DOP1B: variants seen among roughly 807,000 people sequenced by gnomAD.
DOP1B encodes protein DOP1B.
A neutral mutation model predicts 233.5 loss-of-function variants in DOP1B; 174 were observed. The observed-to-expected ratio is 0.75, with a 90% CI of 0.66 to 0.85. The LOEUF is 0.85. Ranked by LOEUF, DOP1B falls within the 40% of genes least tolerant of loss-of-function variation. The probability of loss-of-function intolerance (pLI) is 0.00; values close to 1 mark genes in which losing one functional copy is unlikely to be tolerated. For synonymous variants in DOP1B, 1,190 were observed against 1,185.6 expected, an observed-to-expected ratio of 1.00 and a Z score of -0.08; for missense variants, 2,652 against 2,846.6, an observed-to-expected ratio of 0.93 and a Z score of 1.56.
intron 2 of DOP1B, among the ~76,000 whole-genome samples, chr21:36,177,689 A>C (rs1354684546): frequency 6.6e-6 from 1 of 152,148 alleles, no homozygotes; most frequent in Non-Finnish European, 1.5e-5. Flanking sequence ...AAATAAGAAG[A>C]GGAAGAGAGG....
intron 10 of DOP1B, 110 bp downstream of exon 10, chr21:36,219,602 TG>T: frequency 6.9e-7 from 1 of 1,449,266 alleles, no homozygotes. Flanking sequence ...AAAGCAGAGA[TG>T]CAGCAGGTGA....
At chr21:36,205,163 G>A (rs2066413466) in intron 4 of DOP1B, among the ~76,000 whole-genome samples, 1 of 152,176 alleles carries the variant, frequency 6.6e-6, no homozygotes, top group South Asian at 2.1e-4. Context: ...TGTCCTTTTG[G>A]CAAGCAGCTG....
chr21:36,163,778 C>T (rs964954819), intron 1 of DOP1B, among the ~76,000 whole-genome samples: 1 of 152,196 alleles, frequency 6.6e-6, no homozygotes, highest in Non-Finnish European at 1.5e-5. Flanking sequence ...CCAGACATTA[C>T]AGCATCCGGG....
At chr21:36,195,484 C>G (rs1382391569) in intron 2 of DOP1B, among the ~76,000 whole-genome samples, 1 of 151,872 alleles carries the variant, frequency 6.6e-6, no homozygotes, top group Non-Finnish European at 1.5e-5. Context: ...CAGTGAGTTG[C>G]AATCACACCA....
At chr21:36,209,511 G>T (rs1346011788) in intron 5 of DOP1B, among the ~76,000 whole-genome samples, 1 of 152,198 alleles carries the variant, frequency 6.6e-6, no homozygotes, top group Non-Finnish European at 1.5e-5. Context: ...GCACGCAGAG[G>T]GTCTGCTGCA....
In DOP1B at chr21:36,246,604, G is replaced by T. The variant is rs1440264144; in HGVS notation, c.4624G>T (p.Val1542Phe). The change falls in exon 19 of 37, where the codon GTT becomes TTT. Residue 1542 changes from valine to phenylalanine, a missense_variant. This residue lies in a region of DOP1B where 2,617 missense variants were observed against 2,794.3 expected (regional missense o/e 0.94). Coordinates refer to ENST00000691173, the MANE Select transcript of DOP1B (RefSeq NM_001320714.2). This position sits in a 1 kb window ranked among gnomAD's most constrained non-coding sequence, Gnocchi z 5.1. ...CCTGGGCTGGACGGTGACACCCTTT[G>T]TTGTCCAGATTTGCAAAAACTTGGA... ...KSLGWTVTPF[V>F]VQICKNLDDL... The T allele has an allele frequency of 6.2e-7, 1 of 1,614,130 alleles. No homozygotes were observed. Among genetic ancestry groups the T allele is most frequent in the Admixed American group, 1.7e-5 (1 of 60,026 alleles).
chr21:36,217,670 G>A (rs2066576172), intron 9 of DOP1B, among the ~76,000 whole-genome samples: 1 of 152,180 alleles, frequency 6.6e-6, no homozygotes. Flanking sequence ...ATGATGTGCT[G>A]CCTCAGGGTG....
In DOP1B at chr21:36,232,965, T is replaced by C; in HGVS notation, c.2512T>C (p.Tyr838His). 2.5e-6 allele frequency: 4 copies of C among 1,614,140 alleles called. No homozygotes were observed. Among genetic ancestry groups the C allele is most frequent in the Non-Finnish European group, 3.4e-6 (4 of 1,180,032 alleles). ...ALVIEDKMKR[Y>H]KSSGHNPFFG... is the part of the protein sequence containing the mutation. The stretch of plus-strand genomic sequence containing the variant: ...TGTCATTGAAGACAAGATGAAACGC[T>C]ATAAGAGCTCTGGACACAACCCTTT... Residue 838 changes from tyrosine (Y) to histidine (H), a missense_variant, in exon 15 of 37, where the codon TAT (tyrosine) becomes CAT (histidine). Coordinates refer to ENST00000691173, the MANE Select transcript of DOP1B (RefSeq NM_001320714.2).
intron 11 of DOP1B, among the ~76,000 whole-genome samples, chr21:36,223,655 C>T (rs971447846): frequency 2.2e-4 from 33 of 152,170 alleles, no homozygotes; most frequent in Non-Finnish European, 8.8e-5. Context: ...CTTTCCTCTC[C>T]TGGCTGCCCG....
chr21:36,167,588 G>A (rs910945154), intron 2 of DOP1B, among the ~76,000 whole-genome samples: 3 of 152,130 alleles, frequency 2.0e-5, no homozygotes, highest in Non-Finnish European at 4.4e-5. Context: ...CCATTTTAAA[G>A]TGCACAGTTA....
chr21:36,173,867 T>TG (rs1306870325), intron 2 of DOP1B, among the ~76,000 whole-genome samples: 3 of 147,518 alleles, frequency 2.0e-5, no homozygotes, highest in African/African-American at 7.5e-5. Flanking sequence ...TAAAGCTCTT[T>TG]AAAAAAAAAA....
intron 15 of DOP1B, 95 bp from the exon 16 acceptor site, chr21:36,237,167 C>T: frequency 6.6e-7 from 1 of 1,509,052 alleles, no homozygotes; most frequent in East Asian, 2.3e-5. Context: ...AGGTGAGATC[C>T]AGTATGTCGG....
At chr21:36,236,196 T>C (rs558794072) in intron 15 of DOP1B, among the ~76,000 whole-genome samples, 1 of 152,300 alleles carries the variant, frequency 6.6e-6, no homozygotes, top group Non-Finnish European at 1.5e-5. Flanking sequence ...GGTCTCACCC[T>C]TGTTGGGGCA....
chr21:36,158,989 A>G lies in DOP1B; in HGVS notation c.-27+2046A>G, dbSNP rs566148107. On this transcript the variant is annotated intron_variant, in intron 1 of 36. Transcript: ENST00000691173. ...CCAAAAATATTTTAAAAAATTAGCCAGGCATTGTGGCGGGCACCTGTAATC... is the reference window on the plus strand; with the variant it reads ...CCAAAAATATTTTAAAAAATTAGCCGGGCATTGTGGCGGGCACCTGTAATC... 2.8e-5 allele frequency among the ~76,000 whole-genome samples: 4 copies of G among 144,320 alleles called. No homozygotes were observed. The South Asian group carries it at 8.9e-4, about 32-fold the overall frequency. The allele number at this position is 144,320 out of a possible 152,430, so 94.7% of individuals were successfully genotyped here.
At chr21:36,214,584 T>C in intron 9 of DOP1B, 28 bp downstream of exon 9, 1 of 1,575,686 alleles carries the variant, frequency 6.3e-7, no homozygotes, top group East Asian at 2.2e-5. Context: ...GCTTCTATCC[T>C]ATGCTGAATA....
Position 36,278,261 on chromosome 21 carries a change from AG to A in DOP1B, c.5876del (p.Ser1959MetfsTer41), listed in dbSNP as rs759640013. ...RAGAQLLSSLSGYAYTKRAWR... is the reference protein window; with the variant it reads ...RAGAQLLSSLXGYAYTKRAWR... The stretch of plus-strand genomic sequence containing the variant: ...TGGCGCTCAGCTGCTGAGCTCCCTG[AG>A]TGGCTATGCCTACACAAAGCGAGCC... On this transcript the variant is annotated frameshift_variant, in exon 30 of 37. Transcript: ENST00000691173. LOFTEE classifies it high-confidence loss of function. 1 of 1,613,970 alleles carries A rather than the reference AG, an allele frequency of 6.2e-7. No homozygotes were observed. Among genetic ancestry groups the A allele is most frequent in the African/African-American group, 1.3e-5 (1 of 74,912 alleles).
In DOP1B at chr21:36,239,972, G is replaced by A; in HGVS notation, c.3067+17G>A. On this transcript the variant is annotated intron_variant, in intron 18 of 36. Transcript: ENST00000691173. ...ACTCGGCCGGTGAGCAGCCTGCACA[G>A]GACCCGAGGGTGAGGGAGGAATGGG... 6.3e-7 allele frequency: 1 copy of A among 1,596,760 alleles called. No individual in the cohort carries two copies. The highest frequency in any genetic ancestry group is 8.5e-7 in the Non-Finnish European group (1 of 1,171,838).
rs1469029359 is a variant in DOP1B, at chr21:36,227,398, T to A, written c.1474-288T>A. Among the ~76,000 whole-genome samples the A allele has an allele frequency of 3.3e-5, 5 of 150,656 alleles. 1 individual carries two copies. The Middle Eastern group carries it at 0.01, about 310-fold the overall frequency. On this transcript the variant is annotated intron_variant, in intron 12 of 36. Coordinates refer to ENST00000691173, the MANE Select transcript of DOP1B (RefSeq NM_001320714.2). Reference sequence around the variant, plus strand: ...CCATCTCTACTAAACATACAAAAAATTAGCCGGGCGTGGTGGTGGGCACCT... The same window carrying A: ...CCATCTCTACTAAACATACAAAAAAATAGCCGGGCGTGGTGGTGGGCACCT...
At chr21:36,283,956 T>TTC (rs2067449437) in intron 32 of DOP1B, among the ~76,000 whole-genome samples, 1 of 146,268 alleles carries the variant, frequency 6.8e-6, no homozygotes, top group African/African-American at 2.6e-5. Flanking sequence ...TTTTTTTTTT[T>TTC]TTTTCCTTTG....
Sources: gnomAD v4.1 joint callset for allele counts (sites outside exome capture counted in the v4.1 genomes callset) on GRCh38, gnomAD v4.1.1 for gene constraint, gnomAD v4.1.1 regional missense constraint, Gnocchi (gnomAD v3.1) non-coding constraint, MANE v1.5 for transcripts, NCBI Gene and HGNC (gene_info 2026-07-23, HGNC 2026-07-21) for gene names.